The following MYRIP variants were observed in gnomAD, a reference collection of about 807,000 sequenced individuals.
MYRIP encodes rab effector MyRIP.
A neutral mutation model predicts 98.0 loss-of-function variants in MYRIP; 49 were observed. The observed-to-expected ratio is 0.50, with a 90% CI of 0.40 to 0.63. MYRIP has a LOEUF of 0.63. Ranked by LOEUF, MYRIP falls within the 30% of genes least tolerant of loss-of-function variation. The pLI is 0.00. For synonymous variants in MYRIP, 404 were observed against 409.5 expected (o/e 0.99, Z 0.16); for missense variants, 1,004 against 1,058.2 (o/e 0.95, Z 0.71).
chr3:40,158,957 G>A (rs1044671091), intron 4 of MYRIP, among the ~76,000 whole-genome samples: 8 of 152,052 alleles, frequency 5.3e-5, no homozygotes, highest in Non-Finnish European at 1.0e-4. Context: ...CAATTTGCCA[G>A]TCTGTGTCTT....
intron 3 of MYRIP, among the ~76,000 whole-genome samples, chr3:40,053,275 C>T (rs1947827505): frequency 6.6e-6 from 1 of 152,050 alleles, no homozygotes; most frequent in African/African-American, 2.4e-5. Context: ...TTTGAAGTCC[C>T]AATTAATGGG....
intron 1 of MYRIP, among the ~76,000 whole-genome samples, chr3:39,837,051 G>A (rs1941648859): frequency 6.6e-6 from 1 of 152,148 alleles, no homozygotes; most frequent in Admixed American, 6.5e-5. Flanking sequence ...AATTATTACA[G>A]CTATGTAACC....
intron 1 of MYRIP, among the ~76,000 whole-genome samples, chr3:39,870,096 C>CAGGGCA (rs1215609881): frequency 1.3e-5 from 2 of 151,998 alleles, no homozygotes; most frequent in Non-Finnish European, 2.9e-5. Context: ...CAGTCACATC[C>CAGGGCA]AGGGCAAGGG....
intron 3 of MYRIP, among the ~76,000 whole-genome samples, chr3:40,050,087 G>T (rs1947758499): frequency 6.6e-6 from 1 of 152,162 alleles, no homozygotes; most frequent in South Asian, 2.1e-4. Flanking sequence ...TGCTGATGGA[G>T]GAGCTGCAGG....
At position 40,043,472 on chromosome 3, in the gene MYRIP, G is replaced by A. The variant is rs570865283; in HGVS notation, c.111-578G>A. On this transcript the variant is annotated intron_variant, in intron 2 of 16. Transcript: ENST00000302541. ...GGCTGGCTGTGTGCCCAGTGACCAG[G>A]AGCTTTTTAAAAGAACAGAATTGTT... Among the ~76,000 whole-genome samples the A allele has an allele frequency of 5.9e-5, 9 of 152,152 alleles. 1 individual carries two copies. In the South Asian group the frequency reaches 1.7e-3, roughly 28 times the overall value.
chr3:40,222,102 G>A (rs1467309110), intron 11 of MYRIP, among the ~76,000 whole-genome samples: 1 of 152,164 alleles, frequency 6.6e-6, no homozygotes, highest in Admixed American at 6.5e-5. Flanking sequence ...AACTATAATC[G>A]AAGCGGCAGT....
rs550108263 is a variant in MYRIP, at chr3:39,903,401, C to T, written c.110+2475C>T. Among the ~76,000 whole-genome samples, 9 of 152,222 alleles carry T rather than the reference C, an allele frequency of 5.9e-5. No homozygotes were observed. In the East Asian group the frequency reaches 1.5e-3, roughly 26 times the overall value. ...ATCTTGAATTAGTTTCCTTTTCCCC[C>T]GACCAGCTGTTCTTTATTTACCTAG... On this transcript the variant is annotated intron_variant, in intron 2 of 16. Transcript: ENST00000302541.
Position 40,022,855 on chromosome 3 carries a change from T to G in MYRIP, c.111-21195T>G, listed in dbSNP as rs553303872. 7.7e-4 allele frequency among the ~76,000 whole-genome samples: 117 copies of G among 152,244 alleles called. 1 individual carries two copies. Among genetic ancestry groups the G allele is most frequent in the African/African-American group, 2.7e-3 (114 of 41,548 alleles). ...ACAGGAGTGGAAATAATACATGTAT[T>G]ATTAGATATTTTGAGTATTTTAGAC... On this transcript the variant is annotated intron_variant, in intron 2 of 16. Coordinates refer to ENST00000302541, the MANE Select transcript of MYRIP (RefSeq NM_015460.4).
At chr3:40,162,668 A>C in intron 4 of MYRIP, 62 bp from the exon 5 acceptor site, 1 of 1,418,224 alleles carries the variant, frequency 7.1e-7, no homozygotes, top group Non-Finnish European at 1.0e-6. Context: ...ACAGTGCATC[A>C]GGGTTCACTG....
At chr3:40,084,969 T>G (rs901945692) in intron 3 of MYRIP, among the ~76,000 whole-genome samples, 4 of 150,240 alleles carry the variant, frequency 2.7e-5, no homozygotes, top group Admixed American at 6.7e-5. Context: ...AATATATATC[T>G]ATGTGTTACA....
At chr3:40,069,387 G>T (rs553411379) in intron 3 of MYRIP, among the ~76,000 whole-genome samples, 2 of 142,346 alleles carry the variant, frequency 1.4e-5, no homozygotes, top group African/African-American at 5.2e-5. Context: ...GCCAAATTTC[G>T]CAAGATACTT....
chr3:40,062,307 T>A (rs552642016), intron 3 of MYRIP, among the ~76,000 whole-genome samples: 7 of 152,304 alleles, frequency 4.6e-5, no homozygotes, highest in African/African-American at 1.7e-4. Flanking sequence ...TTCAATCTTC[T>A]GCACATGGCT....
At chr3:40,118,640 A>G (rs1949331557) in intron 3 of MYRIP, among the ~76,000 whole-genome samples, 1 of 150,520 alleles carries the variant, frequency 6.6e-6, no homozygotes, top group African/African-American at 2.5e-5. Flanking sequence ...TTTAGGGTAC[A>G]TGTGCACAAC....
chr3:39,861,492 T>G (rs866806677), intron 1 of MYRIP, among the ~76,000 whole-genome samples: 2 of 152,120 alleles, frequency 1.3e-5, no homozygotes, highest in Admixed American at 6.5e-5. Context: ...TTAACCAGAC[T>G]GAAATGGCTG....
At chr3:39,899,236 C>T (rs1178848156) in intron 1 of MYRIP, among the ~76,000 whole-genome samples, 3 of 152,046 alleles carry the variant, frequency 2.0e-5, no homozygotes, top group African/African-American at 4.8e-5. Context: ...GTATTCTGTA[C>T]ATGTGGTGTG....
intron 1 of MYRIP, among the ~76,000 whole-genome samples, chr3:39,872,399 C>A (rs1437029464): frequency 6.6e-6 from 1 of 151,756 alleles, no homozygotes; most frequent in Non-Finnish European, 1.5e-5. Flanking sequence ...AGGTTAGTTA[C>A]ATATGTATAC....
intron 2 of MYRIP, among the ~76,000 whole-genome samples, chr3:39,947,645 A>G (rs1252653152): frequency 6.6e-6 from 1 of 152,110 alleles, no homozygotes; most frequent in East Asian, 1.9e-4. Flanking sequence ...GTGCACGCCT[A>G]TAGTCCCAGC....
chr3:40,040,433 G>A (rs575235417), intron 2 of MYRIP, among the ~76,000 whole-genome samples: 1 of 107,334 alleles, frequency 9.3e-6, no homozygotes, highest in East Asian at 2.6e-4. Context: ...ATTCCTCAGG[G>A]ATCTAGAACT....
intron 9 of MYRIP, among the ~76,000 whole-genome samples, chr3:40,187,455 C>T (rs1319854306): frequency 1.3e-5 from 2 of 152,338 alleles, no homozygotes; most frequent in African/African-American, 2.4e-5. Flanking sequence ...TTAATTTCCT[C>T]CCTGAGCAGG....
Sources: allele counts gnomAD v4.1 joint callset (sites outside exome capture counted in the v4.1 genomes callset), GRCh38; gene constraint gnomAD v4.1.1; transcripts MANE v1.5; gene names NCBI Gene and HGNC (gene_info 2026-07-23, HGNC 2026-07-21).